The following STX3 variants were observed in gnomAD, a reference collection of about 807,000 sequenced individuals.
STX3 encodes the protein syntaxin-3.
Under a neutral mutation model 40.2 loss-of-function variants are expected in STX3, and 19 were observed. That is an observed-to-expected ratio of 0.47 (90% CI 0.33 to 0.69). STX3 has a LOEUF of 0.69. STX3 is among the 30% of genes least tolerant of loss of function. The pLI is 0.02. For synonymous variants in STX3, 122 were observed against 132.2 expected (o/e 0.92, Z 0.53); for missense variants, 364 against 366.7 (o/e 0.99, Z 0.06).
chr11:59,785,824 T>C (rs892741466), intron 2 of STX3, among the ~76,000 whole-genome samples: 3 of 152,244 alleles, frequency 2.0e-5, no homozygotes, highest in Admixed American at 6.5e-5. Flanking sequence ...TGATGTGCCC[T>C]TCACTTTGAG....
In STX3 at chr11:59,755,583, C is replaced by T; in HGVS notation, c.-23C>T. The T allele has an allele frequency of 1.3e-6, 2 of 1,593,094 alleles. No individual in the cohort carries two copies. The highest frequency in any genetic ancestry group is 1.7e-4 in the Middle Eastern group (1 of 5,948). On this transcript the variant is annotated 5_prime_UTR_variant, in exon 1 of 11. Transcript: ENST00000337979. ...GCGCTCACCTGGGACGCGCTACCTG[C>T]CTCCGGGCGCCTGGGCTTCAGGATG...
At position 59,801,770 on chromosome 11, in the gene STX3, A is replaced by T. The variant is rs1322442971; in HGVS notation, c.*946A>T. 4 of 985,698 alleles carry T rather than the reference A, an allele frequency of 4.1e-6. No individual in the cohort carries two copies. Among genetic ancestry groups the T allele is most frequent in the Non-Finnish European group, 4.8e-6 (4 of 829,928 alleles). The allele number at this position is 985,698 out of a possible 1,614,324, so 61.1% of individuals were successfully genotyped here. On this transcript the variant is annotated 3_prime_UTR_variant, in exon 11 of 11. Coordinates refer to ENST00000337979, the MANE Select transcript of STX3 (RefSeq NM_004177.5). Reference sequence around the variant, plus strand: ...TTGTGTATGAAATGTATGTACACATAAGTGTGTGTGTCTCAGGAAGTAGGA... The same window carrying T: ...TTGTGTATGAAATGTATGTACACATTAGTGTGTGTGTCTCAGGAAGTAGGA...
Position 59,800,969 on chromosome 11 carries a change from C to T in STX3, c.*145C>T, listed in dbSNP as rs1001005223. On this transcript the variant is annotated 3_prime_UTR_variant, in exon 11 of 11. Coordinates refer to ENST00000337979, the MANE Select transcript of STX3 (RefSeq NM_004177.5). ...GTTCCTTTGTTTCCTTGCAACCACC[C>T]TTGGACCTGACTCAGCTAACAATCT... is the stretch of plus-strand genomic sequence containing the variant. 22 of 1,534,776 alleles carry T rather than the reference C, an allele frequency of 1.4e-5. No homozygotes were observed. Among genetic ancestry groups the T allele is most frequent in the African/African-American group, 6.8e-5 (5 of 73,026 alleles).
intron 10 of STX3, chr11:59,800,496 G>A (rs923230142): frequency 3.0e-6 from 3 of 985,244 alleles, no homozygotes; most frequent in African/African-American, 1.7e-5. Flanking sequence ...CATGAAGATC[G>A]AGAACCAGAA....
chr11:59,789,598 G>A (rs937856693), intron 4 of STX3, among the ~76,000 whole-genome samples: 1 of 151,942 alleles, frequency 6.6e-6, no homozygotes, highest in Admixed American at 6.6e-5. Context: ...GCACCACCAC[G>A]CTCAGTCAAT....
chr11:59,759,548 A>G (rs920592409), intron 1 of STX3, among the ~76,000 whole-genome samples: 4 of 152,230 alleles, frequency 2.6e-5, no homozygotes, highest in African/African-American at 9.6e-5. Flanking sequence ...GTGGTAATGG[A>G]GAAGCCAGTG....
chr11:59,786,994 ACTTCCT>A, intron 2 of STX3, 37 bp from the exon 3 acceptor site: 2 of 1,551,542 alleles, frequency 1.3e-6, no homozygotes, highest in Non-Finnish European at 1.8e-6. Context: ...ATGGACCTGT[ACTTCCT>A]CTTTGATGAT....
chr11:59,798,134 A>G (rs902303867), intron 10 of STX3, among the ~76,000 whole-genome samples: 2 of 152,214 alleles, frequency 1.3e-5, no homozygotes, highest in African/African-American at 4.8e-5. Flanking sequence ...ACCTTAGAGG[A>G]TAGCGATGCT....
At chr11:59,793,735 G>T (rs1429386034) in intron 8 of STX3, among the ~76,000 whole-genome samples, 1 of 152,056 alleles carries the variant, frequency 6.6e-6, no homozygotes, top group Non-Finnish European at 1.5e-5. Context: ...TGTCCCTTTG[G>T]CCTTGCAGTC....
At chr11:59,766,639 T>G (rs1412577960) in intron 1 of STX3, among the ~76,000 whole-genome samples, 2 of 152,184 alleles carry the variant, frequency 1.3e-5, no homozygotes, top group Non-Finnish European at 2.9e-5. Flanking sequence ...GAAACAAATG[T>G]TGTCCCCAAA....
intron 1 of STX3, among the ~76,000 whole-genome samples, chr11:59,771,912 C>T (rs1044337888): frequency 3.3e-5 from 5 of 152,130 alleles, no homozygotes; most frequent in African/African-American, 1.2e-4. Flanking sequence ...AATTCGACTC[C>T]CTTGAATGTG....
chr11:59,780,616 T>G (rs1864309380), intron 2 of STX3, among the ~76,000 whole-genome samples: 1 of 152,162 alleles, frequency 6.6e-6, no homozygotes, highest in Non-Finnish European at 1.5e-5. Context: ...AGACCCCGCC[T>G]CCATGGTCCC....
rs1301407614 is a variant in STX3, at chr11:59,800,832, C to T, written c.*31-23C>T. On this transcript the variant is annotated intron_variant, in intron 10 of 10. Transcript: ENST00000337979. ...TGCCTTCTTCCTGTGTACTGATCAG[C>T]TCCTCCTTTCCCTGCCTCCTAGAAA... is the stretch of plus-strand genomic sequence containing the variant. The T allele has an allele frequency of 5.2e-6, 8 of 1,536,418 alleles. No homozygotes were observed. In the South Asian group the frequency reaches 7.1e-5, roughly 14 times the overall value.
chr11:59,766,221 C>G (rs1342698996), intron 1 of STX3, among the ~76,000 whole-genome samples: 1 of 152,182 alleles, frequency 6.6e-6, no homozygotes, highest in African/African-American at 2.4e-5. Flanking sequence ...TTTTCTTTGT[C>G]TCATTCTGCC....
chr11:59,797,173 C>A (rs1865569680), intron 9 of STX3, 110 bp from the exon 10 acceptor site: 2 of 751,446 alleles, frequency 2.7e-6, no homozygotes, highest in South Asian at 3.2e-5. Flanking sequence ...CTTACTCAGA[C>A]TGGTAAGATA....
At chr11:59,794,504 C>T (rs1865405865) in intron 8 of STX3, among the ~76,000 whole-genome samples, 1 of 152,112 alleles carries the variant, frequency 6.6e-6, no homozygotes, top group Non-Finnish European at 1.5e-5. Flanking sequence ...GGATGCTTTC[C>T]CCCCATTCCC....
intron 1 of STX3, 140 bp downstream of exon 1, chr11:59,755,775 G>C: frequency 1.7e-6 from 2 of 1,173,450 alleles, no homozygotes; most frequent in Non-Finnish European, 1.1e-6. Context: ...TTCCCGCGCC[G>C]GTTCCGCACC....
At chr11:59,774,069 T>C (rs1057506404) in intron 2 of STX3, among the ~76,000 whole-genome samples, 4 of 151,898 alleles carry the variant, frequency 2.6e-5, no homozygotes, top group African/African-American at 9.7e-5. Context: ...TTTGTAAAAG[T>C]TCAACAGGGG....
At chr11:59,763,839 G>A (rs1260078942) in intron 1 of STX3, among the ~76,000 whole-genome samples, 3 of 152,088 alleles carry the variant, frequency 2.0e-5, no homozygotes, top group South Asian at 2.1e-4. Flanking sequence ...CCAACATGGC[G>A]GAAACCCTGT....
Sources: gnomAD v4.1 joint callset for allele counts (sites outside exome capture counted in the v4.1 genomes callset) on GRCh38, gnomAD v4.1.1 for gene constraint, MANE v1.5 for transcripts, NCBI Gene and HGNC (gene_info 2026-07-23, HGNC 2026-07-21) for gene names.